PSMD14: variants seen among roughly 807,000 people sequenced by gnomAD.
PSMD14 encodes ubiquitin C-terminal hydrolase PSMD14.
Under a neutral mutation model 41.2 loss-of-function variants are expected in PSMD14, and 7 were observed. The observed-to-expected ratio is 0.17, with a 90% confidence interval of 0.10 to 0.32. PSMD14 has a LOEUF of 0.32. Among genes scored for constraint, PSMD14 ranks in the 10% least tolerant of loss-of-function variants. PSMD14 has a pLI of 1.00. For synonymous variants in PSMD14, 114 were observed against 122.3 expected, an observed-to-expected ratio of 0.93 and a Z score of 0.45; for missense variants, 139 against 375.6, an observed-to-expected ratio of 0.37 and a Z score of 5.21.
chr2:161,356,669 T>C (rs1175655834), intron 3 of PSMD14, among the ~76,000 whole-genome samples: 1 of 152,000 alleles, frequency 6.6e-6, no homozygotes. Context: ...TAACAGACTT[T>C]TAAAAATAAT....
intron 3 of PSMD14, among the ~76,000 whole-genome samples, chr2:161,337,656 T>C (rs1682888019): frequency 6.6e-6 from 1 of 152,224 alleles, no homozygotes; most frequent in Non-Finnish European, 1.5e-5. Context: ...TTGTTCTTAG[T>C]TTATGGTGAC....
rs145114876 is a variant in PSMD14, at chr2:161,337,666, C to T, written c.48+18793C>T. On this transcript the variant is annotated intron_variant, in intron 3 of 11. Transcript: ENST00000409682. ...AATGATTGTTCTTAGTTTATGGTGA[C>T]GGTCCCATGGCTGCCAGTGCACATG... Among the ~76,000 whole-genome samples the T allele has an allele frequency of 1.7e-3, 264 of 152,258 alleles. 2 individuals carry two copies. The highest frequency in any genetic ancestry group is 2.4e-3 in the Non-Finnish European group (162 of 68,004).
In PSMD14 at chr2:161,367,822, T is replaced by C. The variant is rs915380980; in HGVS notation, c.159T>C (p.Val53=). The C allele has an allele frequency of 7.4e-6, 12 of 1,613,466 alleles. No individual in the cohort carries two copies. In the African/African-American group the frequency reaches 1.5e-4, roughly 20 times the overall value. ...KHGRAGVPME[V]MGLMLGEFVD... is the part of the protein sequence containing the mutation. ...GCCGTGCTGGAGTTCCAATGGAAGT[T>C]ATGGGTTTGATGCTTGGAGAATTTG... The change falls in exon 5 of 12, where the codon GTT becomes GTC. Residue 53 remains valine (V), a synonymous_variant. Coordinates refer to ENST00000409682, the MANE Select transcript of PSMD14 (RefSeq NM_005805.6).
intron 5 of PSMD14, 57 bp from the exon 6 acceptor site, chr2:161,370,050 G>A: frequency 1.5e-6 from 2 of 1,332,212 alleles, no homozygotes; most frequent in African/African-American, 3.0e-5. Context: ...ATATACATAG[G>A]GAAGCTTTTT....
chr2:161,385,768 T>C (rs1408831448), intron 8 of PSMD14, among the ~76,000 whole-genome samples, 197 bp downstream of exon 8: 2 of 151,778 alleles, frequency 1.3e-5, no homozygotes, highest in Non-Finnish European at 2.9e-5. Flanking sequence ...ATGGGGTCTT[T>C]AAATTTTCCT....
intron 3 of PSMD14, among the ~76,000 whole-genome samples, chr2:161,320,910 G>T (rs1042366525): frequency 6.6e-6 from 1 of 151,974 alleles, no homozygotes; most frequent in African/African-American, 2.4e-5. Context: ...ATTTATAGTA[G>T]AGACTATGTT....
chr2:161,376,772 CTG>C (rs1469215827), intron 7 of PSMD14, among the ~76,000 whole-genome samples: 1 of 151,922 alleles, frequency 6.6e-6, no homozygotes, highest in Non-Finnish European at 1.5e-5. Context: ...CCCCACAAGA[CTG>C]AGACTTCTTT....
intron 10 of PSMD14, among the ~76,000 whole-genome samples, chr2:161,403,279 A>G (rs978312296): frequency 3.3e-5 from 5 of 152,210 alleles, no homozygotes. Flanking sequence ...TAAGTGAAAG[A>G]AGACAGATGC....
At chr2:161,337,761 T>C (rs1682889505) in intron 3 of PSMD14, among the ~76,000 whole-genome samples, 1 of 152,194 alleles carries the variant, frequency 6.6e-6, no homozygotes, top group South Asian at 2.1e-4. Context: ...TGAGATGATG[T>C]GCTGTAGCAG....
chr2:161,410,899 G>A (rs1284565173), intron 11 of PSMD14, among the ~76,000 whole-genome samples: 2 of 151,966 alleles, frequency 1.3e-5, no homozygotes, highest in Admixed American at 6.6e-5. Context: ...TGGTATGTCC[G>A]CTTTGAATTA....
chr2:161,368,841 A>G (rs892209229), intron 5 of PSMD14, among the ~76,000 whole-genome samples: 4 of 151,162 alleles, frequency 2.6e-5, no homozygotes, highest in Admixed American at 6.6e-5. Flanking sequence ...TAATATATAT[A>G]GTATGTATAT....
At chr2:161,401,081 A>G (rs1042888485) in intron 10 of PSMD14, among the ~76,000 whole-genome samples, 24 of 152,262 alleles carry the variant, frequency 1.6e-4, no homozygotes, top group African/African-American at 5.8e-4. Context: ...CTGCCATTTC[A>G]GACAGGCAAT....
chr2:161,395,573 TAAC>T (rs944886096), intron 10 of PSMD14, among the ~76,000 whole-genome samples: 7 of 152,226 alleles, frequency 4.6e-5, no homozygotes, highest in Non-Finnish European at 7.4e-5. Flanking sequence ...GGGATATAGA[TAAC>T]AACAGCACTT....
At chr2:161,369,909 G>C (rs992330022) in intron 5 of PSMD14, among the ~76,000 whole-genome samples, 198 bp from the exon 6 acceptor site, 1 of 151,996 alleles carries the variant, frequency 6.6e-6, no homozygotes, top group East Asian at 1.9e-4. Context: ...GGCTTAACTC[G>C]ATCGCCAACA....
At position 161,411,296 on chromosome 2, in the gene PSMD14, T is replaced by C. The variant is rs779823929; in HGVS notation, c.835-6T>C. On this transcript the variant is annotated splice_polypyrimidine_tract_variant and splice_region_variant and intron_variant, in intron 11 of 11. Coordinates refer to ENST00000409682, the MANE Select transcript of PSMD14 (RefSeq NM_005805.6). ...GTTTTCTCTTTCCTCATTTTTGTTC[T>C]TTTAGGACCCCAAACGTCATTTGGA... The C allele has an allele frequency of 1.9e-6, 3 of 1,593,970 alleles. No homozygotes were observed. Among genetic ancestry groups the C allele is most frequent in the Non-Finnish European group, 2.6e-6 (3 of 1,169,398 alleles).
intron 10 of PSMD14, among the ~76,000 whole-genome samples, chr2:161,405,392 C>T (rs969541509): frequency 8.5e-5 from 13 of 152,294 alleles, no homozygotes; most frequent in Non-Finnish European, 1.3e-4. Flanking sequence ...ATGTTTTACA[C>T]TGCATTATGA....
chr2:161,339,860 A>T (rs1574121465), intron 3 of PSMD14, among the ~76,000 whole-genome samples: 3 of 152,404 alleles, frequency 2.0e-5, no homozygotes, highest in Admixed American at 6.5e-5. Context: ...TTGATGCTGG[A>T]CATTCCCCAG....
chr2:161,410,537 T>TA (rs1684010218), intron 11 of PSMD14, among the ~76,000 whole-genome samples: 1 of 152,038 alleles, frequency 6.6e-6, no homozygotes, highest in South Asian at 2.1e-4. Flanking sequence ...CATAAATACA[T>TA]ACTAAGCATT....
In PSMD14 at chr2:161,340,880, C is replaced by T. The variant is rs1032557426; in HGVS notation, c.48+22007C>T. 38 of 1,613,782 alleles carry T rather than the reference C, an allele frequency of 2.4e-5. 1 individual carries two copies. Among genetic ancestry groups the T allele is most frequent in the Non-Finnish European group, 3.2e-5 (38 of 1,179,820 alleles). ...TCATCATCTTCTCGTACTGGTTTCC[C>T]CTCAGCTTCCCGGGGCTGTATTTGA... On this transcript the variant is annotated intron_variant, in intron 3 of 11. Coordinates refer to ENST00000409682, the MANE Select transcript of PSMD14 (RefSeq NM_005805.6).
Sources: allele counts gnomAD v4.1 joint callset (sites outside exome capture counted in the v4.1 genomes callset), GRCh38; gene constraint gnomAD v4.1.1; transcripts MANE v1.5; gene names NCBI Gene and HGNC (gene_info 2026-07-23, HGNC 2026-07-21).